METTL15: variants seen among roughly 807,000 people sequenced by gnomAD.
METTL15 encodes 12S rRNA N(4)-cytidine methyltransferase METTL15.
In METTL15, 34 loss-of-function variants were observed where a neutral mutation model predicts 38.3. The observed-to-expected ratio is 0.89, with a 90% confidence interval of 0.68 to 1.18. METTL15 has a LOEUF of 1.18. Ranked by LOEUF, METTL15 falls within the 50% of genes most tolerant of loss-of-function variation. The pLI is 0.00. For synonymous variants in METTL15, 162 were observed against 170.9 expected, an observed-to-expected ratio of 0.95 and a Z score of 0.41; for missense variants, 438 against 498.4, an observed-to-expected ratio of 0.88 and a Z score of 1.15.
intron 5 of METTL15, among the ~76,000 whole-genome samples, chr11:28,379,708 A>G (rs1850360783): frequency 6.6e-6 from 1 of 152,146 alleles, no homozygotes; most frequent in South Asian, 2.1e-4. Flanking sequence ...TATTCTGTAA[A>G]TGTCAGTTAG....
At chr11:28,115,383 C>G (rs1051012270) in intron 3 of METTL15, among the ~76,000 whole-genome samples, 1 of 151,828 alleles carries the variant, frequency 6.6e-6, no homozygotes, top group Non-Finnish European at 1.5e-5. Flanking sequence ...CTCAGCCTCC[C>G]GAGTAGCTGG....
intron 5 of METTL15, among the ~76,000 whole-genome samples, chr11:28,382,713 T>G (rs949396485): frequency 6.6e-6 from 1 of 151,730 alleles, no homozygotes; most frequent in Non-Finnish European, 1.5e-5. Context: ...TGCATGCCTG[T>G]AATTCCAGGT....
chr11:28,388,908 AC>A (rs1041604110), intron 5 of METTL15, among the ~76,000 whole-genome samples: 2 of 151,402 alleles, frequency 1.3e-5, no homozygotes, highest in African/African-American at 4.9e-5. Flanking sequence ...TTCAATTCCC[AC>A]CTATGAGTGA....
At chr11:28,323,037 T>TGAAGTCA (rs1849521610) in intron 6 of METTL15, among the ~76,000 whole-genome samples, 2 of 152,154 alleles carry the variant, frequency 1.3e-5, no homozygotes, top group African/African-American at 4.8e-5. Flanking sequence ...TATATGTATA[T>TGAAGTCA]ATATGCACAT....
chr11:28,525,438 C>T (rs1261482368), intron 6 of METTL15, among the ~76,000 whole-genome samples: 1 of 152,120 alleles, frequency 6.6e-6, no homozygotes, highest in African/African-American at 2.4e-5. Context: ...CTGAGCTAGA[C>T]ACAGAGTGCT....
chr11:28,117,096 G>A (rs915448377), intron 3 of METTL15, among the ~76,000 whole-genome samples: 5 of 151,854 alleles, frequency 3.3e-5, no homozygotes, highest in Admixed American at 6.6e-5. Context: ...AATTCTCTTC[G>A]TGCTTTAAAA....
intron 3 of METTL15, among the ~76,000 whole-genome samples, chr11:28,339,873 T>A (rs113064498): frequency 5.9e-5 from 9 of 152,232 alleles, no homozygotes; most frequent in African/African-American, 2.2e-4. Flanking sequence ...GGGGAACTAT[T>A]CGATGATAAA....
chr11:28,506,780 T>G (rs868730731), intron 6 of METTL15, among the ~76,000 whole-genome samples: 6 of 145,298 alleles, frequency 4.1e-5, no homozygotes, highest in Middle Eastern at 3.6e-3. Context: ...AGTCTCACTC[T>G]GTTGCCCAGG....
At chr11:28,221,807 C>T (rs750206489) in intron 4 of METTL15, among the ~76,000 whole-genome samples, 5 of 152,176 alleles carry the variant, frequency 3.3e-5, no homozygotes, top group East Asian at 1.9e-4. Context: ...CTGGAGTTTG[C>T]TGGAGGTCCA....
chr11:28,513,842 G>T (rs545771705), intron 6 of METTL15, among the ~76,000 whole-genome samples: 2 of 152,324 alleles, frequency 1.3e-5, no homozygotes, highest in East Asian at 1.9e-4. Flanking sequence ...GCAGTTTTCC[G>T]CCCTGGGCGG....
intron 3 of METTL15, among the ~76,000 whole-genome samples, chr11:28,341,109 G>T (rs1373165137): frequency 6.6e-6 from 1 of 152,108 alleles, no homozygotes; most frequent in Non-Finnish European, 1.5e-5. Context: ...TCATAAGTGG[G>T]AGTTGAACAG....
chr11:28,335,901 T>C (rs1849896510), downstream of METTL15, among the ~76,000 whole-genome samples: 1 of 152,192 alleles, frequency 6.6e-6, no homozygotes, highest in Non-Finnish European at 1.5e-5. Context: ...GGGTGTTCTT[T>C]ATAGAATTAA....
downstream of METTL15, among the ~76,000 whole-genome samples, chr11:28,531,287 C>T (rs927644840): frequency 3.3e-5 from 5 of 152,036 alleles, no homozygotes; most frequent in Admixed American, 3.3e-4. Flanking sequence ...ATATTTTCTA[C>T]ACTATCTTTT....
intron 3 of METTL15, among the ~76,000 whole-genome samples, chr11:28,182,022 GT>G (rs1366010656): frequency 6.6e-6 from 1 of 151,992 alleles, no homozygotes. Context: ...TGATGAGCAT[GT>G]TTTCGTATGT....
the METTL15 span, among the ~76,000 whole-genome samples, chr11:28,532,092 C>T: frequency 6.6e-6 from 1 of 152,128 alleles, no homozygotes; most frequent in South Asian, 2.1e-4. Context: ...CCACCATCAT[C>T]AGCATCAGCT....
At chr11:28,310,142 T>C (rs1857224636) in intron 6 of METTL15, among the ~76,000 whole-genome samples, 1 of 152,168 alleles carries the variant, frequency 6.6e-6, no homozygotes, top group Admixed American at 6.5e-5. Flanking sequence ...TCATGTAAAT[T>C]AAATACTTCT....
intron 3 of METTL15, among the ~76,000 whole-genome samples, chr11:28,148,894 C>T (rs900938887): frequency 6.6e-6 from 1 of 151,880 alleles, no homozygotes; most frequent in Non-Finnish European, 1.5e-5. Context: ...TGTTTTTAAA[C>T]ACTCTGATCT....
chr11:28,433,186 CT>C (rs1202643485), intron 6 of METTL15, among the ~76,000 whole-genome samples: 2 of 138,252 alleles, frequency 1.4e-5, no homozygotes, highest in Non-Finnish European at 3.1e-5. Context: ...TTTTTTGGCT[CT>C]GTCATTAGTA....
intron 3 of METTL15, among the ~76,000 whole-genome samples, chr11:28,344,218 C>T (rs1319197161): frequency 1.3e-5 from 2 of 152,126 alleles, no homozygotes; most frequent in African/African-American, 2.4e-5. Flanking sequence ...ATTTAGTTCT[C>T]CATGACATAT....
Sources: allele counts gnomAD v4.1 joint callset (sites outside exome capture counted in the v4.1 genomes callset), GRCh38; gene constraint gnomAD v4.1.1; transcripts MANE v1.5; gene names NCBI Gene and HGNC (gene_info 2026-07-23, HGNC 2026-07-21).